The following MAN2B2 variants were observed in gnomAD, a reference collection of about 807,000 sequenced individuals.
The protein encoded by MAN2B2 is mannosidase alpha class 2B member 2, also known as epididymis-specific alpha-mannosidase.
A neutral mutation model predicts 117.1 loss-of-function variants in MAN2B2; 106 were observed. That is an observed-to-expected ratio of 0.90 (90% confidence interval 0.77 to 1.06). The LOEUF (loss-of-function observed/expected upper bound fraction) is 1.06, where lower values mean the gene tolerates loss of function less well. Ranked by LOEUF, MAN2B2 falls within the 50% of genes least tolerant of loss-of-function variation. The pLI, the probability that MAN2B2 is intolerant of heterozygous loss-of-function variation, is 0.00. For synonymous variants in MAN2B2, 544 were observed against 595.1 expected (o/e 0.91, Z 1.25); for missense variants, 1,326 against 1,381.4 (o/e 0.96, Z 0.64).
At chr4:6,607,864 T>C (rs1031154973) in intron 11 of MAN2B2, among the ~76,000 whole-genome samples, 1 of 152,216 alleles carries the variant, frequency 6.6e-6, no homozygotes, top group Admixed American at 6.5e-5. Flanking sequence ...AGATGAGGGT[T>C]CTGATTTCTT....
intron 16 of MAN2B2, among the ~76,000 whole-genome samples, chr4:6,616,884 T>A (rs953732498): frequency 2.0e-5 from 3 of 152,178 alleles, no homozygotes; most frequent in South Asian, 4.1e-4. Context: ...GGGGGCCATG[T>A]CAGCTGTCTC....
rs115914905 is a variant in MAN2B2, at chr4:6,586,723, G to A, written c.392-273G>A. Among the ~76,000 whole-genome samples the A allele has an allele frequency of 7.5e-3, 1,141 of 152,292 alleles. 10 individuals are homozygous for A. Among genetic ancestry groups the A allele is most frequent in the South Asian group, 0.013 (65 of 4,822 alleles). ...AGAGGAGAACATTCTGGAAAGGGAT[G>A]GTGGTGGTGGTTGTATAACAGTGTG... On this transcript the variant is annotated intron_variant, in intron 3 of 18. Transcript: ENST00000285599.
chr4:6,606,315 C>G (rs1387926779), intron 11 of MAN2B2, among the ~76,000 whole-genome samples: 6 of 152,212 alleles, frequency 3.9e-5, no homozygotes, highest in African/African-American at 1.4e-4. Flanking sequence ...CATCTTTCCC[C>G]AGTGGCTCCT....
At position 6,611,140 on chromosome 4, in the gene MAN2B2, C is replaced by CGTT; in HGVS notation, c.2425_2426insGTT (p.Leu809delinsArgPhe). The CGTT allele has an allele frequency of 6.2e-7, 1 of 1,613,952 alleles. No individual in the cohort carries two copies. Among genetic ancestry groups the CGTT allele is most frequent in the Non-Finnish European group, 8.5e-7 (1 of 1,179,990 alleles). ...CTTCGACTGGGACCTGGGCTACAACCTCACGCTGAACGACACCTCAGTCGT... is the reference window on the plus strand; with the variant it reads ...CTTCGACTGGGACCTGGGCTACAACCGTTTCACGCTGAACGACACCTCAGTCGT... On this transcript the variant is annotated protein_altering_variant, in exon 15 of 19. Coordinates refer to ENST00000285599, the MANE Select transcript of MAN2B2 (RefSeq NM_015274.3).
intron 11 of MAN2B2, among the ~76,000 whole-genome samples, chr4:6,606,227 C>G (rs1353325739): frequency 6.6e-6 from 1 of 152,210 alleles, no homozygotes; most frequent in Non-Finnish European, 1.5e-5. Flanking sequence ...GAGCTCAGCT[C>G]AAGGTCACTG....
rs567854068 is a variant in MAN2B2, at chr4:6,589,103, C to T, written c.623C>T (p.Thr208Met). The T allele has an allele frequency of 1.4e-5, 22 of 1,614,198 alleles. No individual in the cohort carries two copies. The highest frequency in any genetic ancestry group is 6.7e-5 in the African/African-American group (5 of 75,072). ...PSLSERQEIF[T>M]HIMDQYSYCT... is the part of the protein sequence containing the mutation. ...CTCTCAGAGCGGCAGGAAATCTTCA[C>T]GCACATCATGGACCAGTACAGCTAC... The change falls in exon 5 of 19, where the codon ACG becomes ATG. Residue 208 changes from threonine (T) to methionine (M), a missense_variant. Physicochemically the swap from Thr to Met is moderately conservative, Grantham distance 81 (BLOSUM62 -1). Transcript: ENST00000285599.
Position 6,621,019 on chromosome 4 carries a change from G to A in MAN2B2, c.2933-169G>A, listed in dbSNP as rs1406635558. 3.1e-5 allele frequency: 18 copies of A among 581,740 alleles called. 1 individual carries two copies. In the South Asian group the frequency reaches 3.5e-4, roughly 11 times the overall value. The allele number at this position is 581,740 out of a possible 1,614,324, so 36.0% of individuals were successfully genotyped here. On this transcript the variant is annotated intron_variant, in intron 18 of 18. Transcript: ENST00000285599. ...GAGCCACAGCAGACTGTAGCCAGGT[G>A]CAGTGTGGTGAGAAGGAGGCTGGGA...
rs73796296 is a variant in MAN2B2 at position 6,606,345 on chromosome 4, G to T, written c.1814+1016G>T. Among the ~76,000 whole-genome samples the T allele has an allele frequency of 2.5e-3, 379 of 152,358 alleles. 2 individuals carry two copies. The highest frequency in any genetic ancestry group is 8.2e-3 in the African/African-American group (341 of 41,586). On this transcript the variant is annotated intron_variant, in intron 11 of 18. Coordinates refer to ENST00000285599, the MANE Select transcript of MAN2B2 (RefSeq NM_015274.3). ...GCTCCTGAGGGAAAGTGGGGCAGGT[G>T]CAGGGGTGACAGCAGCCAGCATGGG...
chr4:6,579,307 C>G (rs766600546), intron 3 of MAN2B2, among the ~76,000 whole-genome samples: 15 of 66,800 alleles, frequency 2.2e-4, no homozygotes, highest in African/African-American at 4.2e-4. Flanking sequence ...ACCATCACCA[C>G]CACCACCACC....
rs756661410 is a variant in MAN2B2 at position 6,593,227 on chromosome 4, G to T, written c.735G>T (p.Gly245=). Residue 245 remains glycine (G), a synonymous_variant, in exon 6 of 19, where the codon GGG becomes GGT. Coordinates refer to ENST00000285599, the MANE Select transcript of MAN2B2 (RefSeq NM_015274.3). ...TCTTCCCCAAGCCTCCCCAAGATGG[G>T]GTGTACCCCAACATGAGTGAGCCTG... ...VAVFPKPPQD[G]VYPNMSEPVT... The T allele has an allele frequency of 6.2e-7, 1 of 1,613,842 alleles. No individual in the cohort carries two copies. The highest frequency in any genetic ancestry group is 1.1e-5 in the South Asian group (1 of 91,042).
Position 6,621,958 on chromosome 4 carries a change from A to C in MAN2B2, c.*673A>C, listed in dbSNP as rs1344241487. On this transcript the variant is annotated 3_prime_UTR_variant, in exon 19 of 19. Transcript: ENST00000285599. ...GTATAACCTTCCCAGGTCTATGCCC[A>C]AGAGAATTGAAAACATCCATCCACA... The C allele has an allele frequency of 6.6e-6, 1 of 152,282 alleles. No homozygotes were observed. The highest frequency in any genetic ancestry group is 1.5e-5 in the Non-Finnish European group (1 of 68,068). 9.4% of individuals were successfully genotyped at this position (152,282 alleles called of 1,614,324 possible).
intron 15 of MAN2B2, among the ~76,000 whole-genome samples, chr4:6,612,185 C>T (rs73796299): frequency 0.018 from 2,702 of 152,344 alleles, 71 homozygotes; most frequent in African/African-American, 0.058. Context: ...ACCCATGCAA[C>T]AAGCATATAC....
Position 6,609,256 on chromosome 4 carries a change from TGGCG to T in MAN2B2, c.1967_1970del (p.Ala656AspfsTer4), listed in dbSNP as rs1307304873. 6.2e-7 allele frequency: 1 copy of T among 1,614,164 alleles called. No individual in the cohort carries two copies. Among genetic ancestry groups the T allele is most frequent in the East Asian group, 2.2e-5 (1 of 44,876 alleles). On this transcript the variant is annotated frameshift_variant, in exon 12 of 19. Coordinates refer to ENST00000285599, the MANE Select transcript of MAN2B2 (RefSeq NM_015274.3). LOFTEE classifies it high-confidence loss of function. ...TGGGAAGCTGTGGAAATGGAGATTG[TGGCG>T]GGACAGCTTGTGACTGAGATCCGGC...
At chr4:6,610,795 CA>C in intron 13 of MAN2B2, 84 bp from the exon 14 acceptor site, 1 of 1,139,570 alleles carries the variant, frequency 8.8e-7, no homozygotes, top group African/African-American at 1.5e-5. Flanking sequence ...CTATGGGGAG[CA>C]CCAGCTGGGG....
At chr4:6,620,833 TG>T (rs1712137423) in intron 18 of MAN2B2, 1 of 216,274 alleles carries the variant, frequency 4.6e-6, no homozygotes, top group African/African-American at 2.3e-5. Flanking sequence ...ACTCACCAGA[TG>T]GTCTCAGAAA....
At chr4:6,598,649 C>T (rs1001672414) in intron 9 of MAN2B2, among the ~76,000 whole-genome samples, 3 of 152,204 alleles carry the variant, frequency 2.0e-5, no homozygotes, top group African/African-American at 7.2e-5. Context: ...TTTAATGCCT[C>T]ACAAAATCTG....
At chr4:6,605,471 T>C (rs1327929416) in intron 11 of MAN2B2, 142 bp downstream of exon 11, 3 of 993,612 alleles carry the variant, frequency 3.0e-6, no homozygotes, top group Non-Finnish European at 4.3e-6. Context: ...TATTGTGATC[T>C]TTAATTTTAG....
intron 10 of MAN2B2, among the ~76,000 whole-genome samples, chr4:6,604,015 G>T (rs1172198283): frequency 6.6e-6 from 1 of 152,238 alleles, no homozygotes; most frequent in African/African-American, 2.4e-5. Flanking sequence ...GGCCAGGAGG[G>T]TTAACCTGGA....
intron 4 of MAN2B2, among the ~76,000 whole-genome samples, chr4:6,587,665 G>A (rs1304952807): frequency 6.6e-6 from 1 of 151,970 alleles, no homozygotes; most frequent in East Asian, 1.9e-4. Context: ...TCCCAGGCCT[G>A]GTACCAGGCC....
Sources: gnomAD v4.1 joint callset for allele counts (sites outside exome capture counted in the v4.1 genomes callset) on GRCh38, gnomAD v4.1.1 for gene constraint, MANE v1.5 for transcripts, NCBI Gene and HGNC (gene_info 2026-07-23, HGNC 2026-07-21) for gene names.